SH3PXD2A: variants seen among roughly 807,000 people sequenced by gnomAD.
SH3PXD2A encodes the protein SH3 and PX domain-containing protein 2A.
In SH3PXD2A, 32 loss-of-function variants were observed where a neutral mutation model predicts 115.2. The ratio of observed to expected loss-of-function variants is 0.28; its 90% CI spans 0.21 to 0.37. The LOEUF (loss-of-function observed/expected upper bound fraction) is 0.37. Ranked by LOEUF, SH3PXD2A falls within the 10% of genes least tolerant of loss-of-function variation. The pLI, the probability that SH3PXD2A is intolerant of heterozygous loss-of-function variation, is 1.00. For missense variants in SH3PXD2A, 1,328 were observed against 1,498.7 expected, an observed-to-expected ratio of 0.89 and a Z score of 1.88; for synonymous variants, 610 against 629.1, an observed-to-expected ratio of 0.97 and a Z score of 0.45.
At chr10:103,737,108 G>C (rs1464686109) in intron 3 of SH3PXD2A, among the ~76,000 whole-genome samples, 2 of 152,208 alleles carry the variant, frequency 1.3e-5, no homozygotes, top group East Asian at 3.8e-4. Flanking sequence ...ACAGGTGCTT[G>C]GTAAAAGCTT....
intron 6 of SH3PXD2A, among the ~76,000 whole-genome samples, chr10:103,687,313 G>A (rs985289706): frequency 2.6e-5 from 4 of 152,058 alleles, no homozygotes; most frequent in South Asian, 2.1e-4. Context: ...ACACTACATC[G>A]CTTAATATAT....
intron 2 of SH3PXD2A, among the ~76,000 whole-genome samples, chr10:103,769,183 C>CGT (rs2038792117): frequency 7.5e-6 from 1 of 132,796 alleles, no homozygotes; most frequent in Non-Finnish European, 1.6e-5. Flanking sequence ...TGTGTGTGTG[C>CGT]GCGCGCGCGC....
chr10:103,833,458 G>A (rs1166193759), intron 1 of SH3PXD2A, among the ~76,000 whole-genome samples: 2 of 151,188 alleles, frequency 1.3e-5, no homozygotes, highest in Non-Finnish European at 1.5e-5. Context: ...AGTTCCCAAA[G>A]ACATATATAT....
chr10:103,712,446 T>C (rs965401245), intron 5 of SH3PXD2A, among the ~76,000 whole-genome samples: 8 of 152,098 alleles, frequency 5.3e-5, no homozygotes, highest in African/African-American at 1.9e-4. Flanking sequence ...CTAGAACCGG[T>C]TTCCCTGTGT....
intron 4 of SH3PXD2A, among the ~76,000 whole-genome samples, chr10:103,727,781 G>A (rs539154887): frequency 2.0e-5 from 3 of 152,210 alleles, no homozygotes; most frequent in African/African-American, 4.8e-5. Context: ...TTTATTTAAC[G>A]GGGAGCCCTG....
At chr10:103,808,726 G>C (rs2039233616) in intron 1 of SH3PXD2A, among the ~76,000 whole-genome samples, 1 of 152,142 alleles carries the variant, frequency 6.6e-6, no homozygotes, top group South Asian at 2.1e-4. Context: ...TGTTGGCTCA[G>C]AACACCCAGC....
chr10:103,665,128 ATGAATACCT>A lies in SH3PXD2A; in HGVS notation c.472+3471_472+3479del, dbSNP rs2037367626. ...GGACTCATTGGTTTGTGGTGTCAAT[ATGAATACCT>A]TGACTCTGATATGGGAATATGGGAA... On this transcript the variant is annotated intron_variant, in intron 7 of 14. Coordinates refer to ENST00000369774, the MANE Select transcript of SH3PXD2A (RefSeq NM_001394015.1). This position sits in a 1 kb window ranked among gnomAD's most constrained non-coding sequence, Gnocchi z 4.0. Among the ~76,000 whole-genome samples the A allele has an allele frequency of 6.6e-6, 1 of 152,216 alleles. No homozygotes were observed. The highest frequency in any genetic ancestry group is 2.4e-5 in the African/African-American group (1 of 41,462).
intron 4 of SH3PXD2A, among the ~76,000 whole-genome samples, chr10:103,731,203 C>G (rs1218858282): frequency 6.6e-6 from 1 of 151,706 alleles, no homozygotes; most frequent in Non-Finnish European, 1.5e-5. Context: ...CTGTGTTGCC[C>G]AGGCTGGAGT....
At chr10:103,850,124 C>T (rs999504572) in intron 1 of SH3PXD2A, among the ~76,000 whole-genome samples, 3 of 152,182 alleles carry the variant, frequency 2.0e-5, no homozygotes, top group Admixed American at 6.5e-5. Context: ...TCAGTTAACT[C>T]ATGCTGGCCC....
chr10:103,700,429 C>T (rs534291653), intron 5 of SH3PXD2A, among the ~76,000 whole-genome samples: 10 of 152,196 alleles, frequency 6.6e-5, no homozygotes, highest in African/African-American at 2.4e-4. Context: ...GGATGGTGGC[C>T]GCAATGCAGG....
rs1163536906 is a variant in SH3PXD2A, at chr10:103,595,024, A to C, written c.*6792T>G. 2 of 152,144 alleles carry C rather than the reference A, an allele frequency of 1.3e-5. No individual in the cohort carries two copies. Among genetic ancestry groups the C allele is most frequent in the African/African-American group, 4.8e-5 (2 of 41,414 alleles). 9.4% of individuals were successfully genotyped at this position (152,144 alleles called of 1,614,324 possible). A position where few individuals can be genotyped will look rare whatever the true frequency, so the allele number is the denominator to read the frequency against. On this transcript the variant is annotated 3_prime_UTR_variant, in exon 15 of 15. Transcript: ENST00000369774. The stretch of plus-strand genomic sequence containing the variant: ...ATACAACTTGAGAGACTGGCTTTGG[A>C]TTGGACAGTCAAAGGGAAGTGGGCA...
chr10:103,613,091 G>A lies in SH3PXD2A; in HGVS notation c.1020C>T (p.Ile340=). The A allele has an allele frequency of 1.2e-6, 2 of 1,614,210 alleles. No homozygotes were observed. The highest frequency in any genetic ancestry group is 1.3e-5 in the African/African-American group (1 of 75,070). The change falls in exon 12 of 15, where the codon ATC becomes ATT. Residue 340 remains isoleucine, a synonymous_variant. Transcript: ENST00000369774. The part of the protein sequence containing the change: ...RKKNLAGPVE[I]IGNIMEISNL... ...TGCTGATCTCCATGATGTTCCCAAT[G>A]ATCTCCACTGGGCCGGCCAGGTTCT...
At chr10:103,727,052 G>T (rs2038249927) in intron 4 of SH3PXD2A, among the ~76,000 whole-genome samples, 2 of 152,216 alleles carry the variant, frequency 1.3e-5, no homozygotes, top group Non-Finnish European at 2.9e-5. Context: ...CAAACAGTGA[G>T]GGCTTTGCAG....
chr10:103,662,338 T>TGG (rs2037318002), intron 7 of SH3PXD2A, among the ~76,000 whole-genome samples: 1 of 2,262 alleles, frequency 4.4e-4, no homozygotes, highest in African/African-American at 2.2e-3. Context: ...TCACCATTAT[T>TGG]GGCGGGGGGG....
intron 11 of SH3PXD2A, among the ~76,000 whole-genome samples, chr10:103,614,762 C>G (rs535332332): frequency 5.8e-4 from 88 of 152,188 alleles, no homozygotes; most frequent in South Asian, 1.7e-3. Flanking sequence ...CCTCCCCCCC[C>G]GCCCCGCCCA....
intron 1 of SH3PXD2A, among the ~76,000 whole-genome samples, chr10:103,819,788 G>A (rs1257889907): frequency 6.6e-6 from 1 of 152,026 alleles, no homozygotes; most frequent in African/African-American, 2.4e-5. Flanking sequence ...AGCAGGCTTG[G>A]CAATGAGAGA....
chr10:103,661,699 C>T (rs1428691900), intron 7 of SH3PXD2A: 3 of 985,200 alleles, frequency 3.0e-6, no homozygotes, highest in East Asian at 1.1e-4. Context: ...CGGGAGAGAG[C>T]TTCTCCACGG....
chr10:103,818,645 TAGAG>T (rs1351844012), intron 1 of SH3PXD2A, among the ~76,000 whole-genome samples: 1 of 152,176 alleles, frequency 6.6e-6, no homozygotes, highest in African/African-American at 2.4e-5. Flanking sequence ...GCCTCCAGGA[TAGAG>T]AAACTGCACT....
At chr10:103,738,892 T>A (rs1589435921) in intron 3 of SH3PXD2A, among the ~76,000 whole-genome samples, 1 of 152,028 alleles carries the variant, frequency 6.6e-6, no homozygotes, top group East Asian at 1.9e-4. Flanking sequence ...CCTCCCGGGT[T>A]CAAGCAATTC....
Sources: gnomAD v4.1 joint callset for allele counts (sites outside exome capture counted in the v4.1 genomes callset) on GRCh38, gnomAD v4.1.1 for gene constraint, Gnocchi (gnomAD v3.1) non-coding constraint, MANE v1.5 for transcripts, NCBI Gene and HGNC (gene_info 2026-07-23, HGNC 2026-07-21) for gene names.